Variants in EIF5A2 observed in about 807,000 individuals in gnomAD.
EIF5A2 encodes the protein eukaryotic translation initiation factor 5A2, also known as eukaryotic translation initiation factor 5A-2.
EIF5A2 carries 15 observed loss-of-function variants against 16.4 expected under a neutral mutation model. The ratio of observed to expected loss-of-function variants is 0.92; its 90% CI spans 0.61 to 1.41. EIF5A2 has a LOEUF of 1.41. Among genes scored for constraint, EIF5A2 ranks in the 40% most tolerant of loss-of-function variants. The probability of loss-of-function intolerance (pLI) is 0.00; values close to 1 mark genes in which losing one functional copy is unlikely to be tolerated. For synonymous variants in EIF5A2, 48 were observed against 61.1 expected (o/e 0.79, Z 1.00); for missense variants, 144 against 189.5 (o/e 0.76, Z 1.41).
At position 170,890,515 on chromosome 3, in the gene EIF5A2, A is replaced by T. The variant is rs1042354931; in HGVS notation, c.*2845T>A. 1 of 152,186 alleles carries T rather than the reference A, an allele frequency of 6.6e-6. No homozygotes were observed. Among genetic ancestry groups the T allele is most frequent in the South Asian group, 2.1e-4 (1 of 4,832 alleles). The allele number at this position is 152,186 out of a possible 1,614,324, so 9.4% of individuals were successfully genotyped here. On this transcript the variant is annotated 3_prime_UTR_variant, in exon 5 of 5. Coordinates refer to ENST00000295822, the MANE Select transcript of EIF5A2 (RefSeq NM_020390.6). ...TGGAAGGGAGCATGAAAAAAACATC[A>T]TAATTATGTTTATGATGCAAATGCT...
Position 170,890,871 on chromosome 3 carries a change from A to T in EIF5A2, c.*2489T>A, listed in dbSNP as rs1030666324. The T allele has an allele frequency of 6.6e-6, 1 of 152,614 alleles. No homozygotes were observed. Among genetic ancestry groups the T allele is most frequent in the Non-Finnish European group, 1.5e-5 (1 of 67,990 alleles). 9.5% of individuals were successfully genotyped at this position (152,614 alleles called of 1,614,324 possible). ...CATGTTCCCCGCTTCCTTTTAATAT[A>T]ATTTATAAAGCTTTACTAAATATTT... On this transcript the variant is annotated 3_prime_UTR_variant, in exon 5 of 5. Coordinates refer to ENST00000295822, the MANE Select transcript of EIF5A2 (RefSeq NM_020390.6).
chr3:170,908,068 G>A (rs573379560), intron 1 of EIF5A2, among the ~76,000 whole-genome samples: 57 of 152,194 alleles, frequency 3.7e-4, no homozygotes, highest in Non-Finnish European at 7.1e-4. Flanking sequence ...TGAGGGTGGG[G>A]ACACCCGCCC....
At position 170,907,701 on chromosome 3, in the gene EIF5A2, G is replaced by T; in HGVS notation, c.106C>A (p.Arg36=). 2 of 1,610,562 alleles carry T rather than the reference G, an allele frequency of 1.2e-6. No homozygotes were observed. The highest frequency in any genetic ancestry group is 1.7e-6 in the Non-Finnish European group (2 of 1,177,238). Residue 36 remains arginine (R), a synonymous_variant, in exon 2 of 5, where the codon CGA becomes AGA. Transcript: ENST00000295822. ...RKNGFVVLKG[R]PCKIVEMSTS... is the part of the protein sequence containing the mutation. ...GACATCTCCACTATTTTGCATGGTC[G>T]TCCTTTGAGCACCACGAAGCCGTTT...
intron 3 of EIF5A2, among the ~76,000 whole-genome samples, chr3:170,904,355 T>G (rs1712881442): frequency 6.6e-6 from 1 of 152,240 alleles, no homozygotes; most frequent in Non-Finnish European, 1.5e-5. Flanking sequence ...TTTAGCCAAC[T>G]GCCGAACTGG....
intron 2 of EIF5A2, 43 bp downstream of exon 2, chr3:170,907,599 G>A (rs1249394450): frequency 5.9e-6 from 9 of 1,514,470 alleles, no homozygotes; most frequent in Non-Finnish European, 8.0e-6. Flanking sequence ...AATGATCAAA[G>A]TCCCAACGCC....
chr3:170,892,453 G>T lies in EIF5A2; in HGVS notation c.*907C>A, dbSNP rs77597980. The T allele has an allele frequency of 1.1e-5, 2 of 183,524 alleles. No homozygotes were observed. The highest frequency in any genetic ancestry group is 1.2e-4 in the East Asian group (1 of 8,580). The allele number at this position is 183,524 out of a possible 1,614,324, so 11.4% of individuals were successfully genotyped here. On this transcript the variant is annotated 3_prime_UTR_variant, in exon 5 of 5. Transcript: ENST00000295822. The stretch of plus-strand genomic sequence containing the variant: ...CAAAAAAAAAAAAAAAAAAAAGGAA[G>T]TTGGAAAGGAGTATTTACTGATAAA...
At chr3:170,895,224 C>T (rs1712640463) in intron 3 of EIF5A2, among the ~76,000 whole-genome samples, 1 of 151,806 alleles carries the variant, frequency 6.6e-6, no homozygotes, top group African/African-American at 2.4e-5. Flanking sequence ...TTTGCTATTA[C>T]AAACAATGCA....
chr3:170,895,558 A>C (rs1576786578), intron 3 of EIF5A2, among the ~76,000 whole-genome samples: 1 of 152,206 alleles, frequency 6.6e-6, no homozygotes, highest in African/African-American at 2.4e-5. Context: ...GTCAAAGACA[A>C]TGGTCCTTGA....
intron 3 of EIF5A2, among the ~76,000 whole-genome samples, chr3:170,901,297 A>T (rs534857127): frequency 6.6e-6 from 1 of 152,348 alleles, no homozygotes; most frequent in Non-Finnish European, 1.5e-5. Flanking sequence ...ATAAAAAGTG[A>T]AACAAAAAAT....
chr3:170,893,302 C>A lies in EIF5A2; in HGVS notation c.*58G>T. On this transcript the variant is annotated 3_prime_UTR_variant, in exon 5 of 5. Transcript: ENST00000295822. Reference sequence around the variant, plus strand: ...CTATAGCTTTGGTGACAACTTAGAACCAAATTAGATCTGCAGTTGATTCAG... The same window carrying A: ...CTATAGCTTTGGTGACAACTTAGAAACAAATTAGATCTGCAGTTGATTCAG... The A allele has an allele frequency of 6.3e-7, 1 of 1,578,668 alleles. No homozygotes were observed. Among genetic ancestry groups the A allele is most frequent in the Non-Finnish European group, 8.6e-7 (1 of 1,156,330 alleles).
Position 170,889,616 on chromosome 3 carries a change from C to T in EIF5A2, c.*3744G>A, listed in dbSNP as rs770023106. The T allele has an allele frequency of 6.6e-6, 1 of 152,498 alleles. No individual in the cohort carries two copies. The highest frequency in any genetic ancestry group is 1.5e-5 in the Non-Finnish European group (1 of 67,960). The allele number at this position is 152,498 out of a possible 1,614,324, so 9.4% of individuals were successfully genotyped here. A position where few individuals can be genotyped will look rare whatever the true frequency, so the allele number is the denominator to read the frequency against. The stretch of plus-strand genomic sequence containing the variant: ...GTTAATGGAAATATGCTTATATTTT[C>T]ACTCTTACACTGCTTAAGAGCCATA... On this transcript the variant is annotated 3_prime_UTR_variant, in exon 5 of 5. Transcript: ENST00000295822.
intron 3 of EIF5A2, among the ~76,000 whole-genome samples, chr3:170,905,985 A>T (rs1229640409): frequency 1.3e-5 from 2 of 152,202 alleles, no homozygotes; most frequent in African/African-American, 4.8e-5. Context: ...TGAAAATATA[A>T]AAGTGTTTAC....
chr3:170,893,212 C>T lies in EIF5A2; in HGVS notation c.*148G>A. 1 of 604,060 alleles carries T rather than the reference C, an allele frequency of 1.7e-6. No individual in the cohort carries two copies. Among genetic ancestry groups the T allele is most frequent in the Non-Finnish European group, 2.5e-6 (1 of 392,484 alleles). 37.4% of individuals were successfully genotyped at this position (604,060 alleles called of 1,614,324 possible). ...ATAATTTTTTAAAAATTATCAATTG[C>T]TTGCAAAACTAACCCAGCACAATCT... On this transcript the variant is annotated 3_prime_UTR_variant, in exon 5 of 5. Coordinates refer to ENST00000295822, the MANE Select transcript of EIF5A2 (RefSeq NM_020390.6).
Position 170,892,637 on chromosome 3 carries a change from TTA to T in EIF5A2, c.*721_*722del, listed in dbSNP as rs10581157. On this transcript the variant is annotated 3_prime_UTR_variant, in exon 5 of 5. Coordinates refer to ENST00000295822, the MANE Select transcript of EIF5A2 (RefSeq NM_020390.6). ...ACTTACAAAGTCCTCACATAAAAACTTATAGATTTAATCAACCCTCTTTGCCA... is the reference window on the plus strand; with the variant it reads ...ACTTACAAAGTCCTCACATAAAAACTTAGATTTAATCAACCCTCTTTGCCA... The T allele has an allele frequency of 8.8e-3, 3,489 of 397,244 alleles. 29 individuals carry two copies. The highest frequency in any genetic ancestry group is 9.9e-3 in the Non-Finnish European group (2,237 of 225,600). The allele number at this position is 397,244 out of a possible 1,614,324, so 24.6% of individuals were successfully genotyped here.
chr3:170,892,640 T>G lies in EIF5A2; in HGVS notation c.*720A>C, dbSNP rs996156267. On this transcript the variant is annotated 3_prime_UTR_variant, in exon 5 of 5. Coordinates refer to ENST00000295822, the MANE Select transcript of EIF5A2 (RefSeq NM_020390.6). The stretch of plus-strand genomic sequence containing the variant: ...TACAAAGTCCTCACATAAAAACTTA[T>G]AGATTTAATCAACCCTCTTTGCCAC... 1.8e-5 allele frequency: 7 copies of G among 394,668 alleles called. No individual in the cohort carries two copies. In the South Asian group the frequency reaches 4.1e-4, roughly 23 times the overall value. 24.4% of individuals were successfully genotyped at this position (394,668 alleles called of 1,614,324 possible). A position where few individuals can be genotyped will look rare whatever the true frequency, so the allele number is the denominator to read the frequency against.
rs990680426 is a variant in EIF5A2, at chr3:170,890,067, A to C, written c.*3293T>G. The C allele has an allele frequency of 5.2e-5, 8 of 152,576 alleles. No individual in the cohort carries two copies. The highest frequency in any genetic ancestry group is 9.6e-5 in the African/African-American group (4 of 41,460). The allele number at this position is 152,576 out of a possible 1,614,324, so 9.5% of individuals were successfully genotyped here. A position where few individuals can be genotyped will look rare whatever the true frequency, so the allele number is the denominator to read the frequency against. On this transcript the variant is annotated 3_prime_UTR_variant, in exon 5 of 5. Transcript: ENST00000295822. ...TTAAAATAATGAAATTTCAGCTTTTAGCACAAATAGCCCTGAGAACAATGC... is the reference window on the plus strand; with the variant it reads ...TTAAAATAATGAAATTTCAGCTTTTCGCACAAATAGCCCTGAGAACAATGC...
At chr3:170,903,878 TAATAATCCA>T (rs1201643044) in intron 3 of EIF5A2, among the ~76,000 whole-genome samples, 1 of 152,266 alleles carries the variant, frequency 6.6e-6, no homozygotes, top group African/African-American at 2.4e-5. Context: ...GGCAATTCAC[TAATAATCCA>T]AAGGTCTACA....
Position 170,893,368 on chromosome 3 carries a change from A to G in EIF5A2, c.454T>C (p.Cys152Arg). The G allele has an allele frequency of 6.2e-7, 1 of 1,613,976 alleles. No individual in the cohort carries two copies. The highest frequency in any genetic ancestry group is 8.5e-7 in the Non-Finnish European group (1 of 1,179,960). The change falls in exon 5 of 5, where the codon TGC (cysteine) becomes CGC (arginine). Residue 152 changes from cysteine to arginine, a missense_variant. Cys to Arg is a radical substitution (Grantham distance 180). Transcript: ENST00000295822. ...ATGCCTGATGTTTCCGTTTATTTGCAGGGTTTTATGGCTACAGCATATTCT... is the reference window on the plus strand; with the variant it reads ...ATGCCTGATGTTTCCGTTTATTTGCGGGGTTTTATGGCTACAGCATATTCT... ...SEEYAVAIKP[C>R]K
At position 170,890,291 on chromosome 3, in the gene EIF5A2, T is replaced by C. The variant is rs536158257; in HGVS notation, c.*3069A>G. ...ATGTGCGCACATGTGCACATGCAAA[T>C]TGCATTGTAATGAAAAATTGTGTCT... On this transcript the variant is annotated 3_prime_UTR_variant, in exon 5 of 5. Transcript: ENST00000295822. The C allele has an allele frequency of 6.6e-6, 1 of 152,248 alleles. No homozygotes were observed. The highest frequency in any genetic ancestry group is 2.4e-5 in the African/African-American group (1 of 41,570). 9.4% of individuals were successfully genotyped at this position (152,248 alleles called of 1,614,324 possible). A position where few individuals can be genotyped will look rare whatever the true frequency, so the allele number is the denominator to read the frequency against.
Sources: gnomAD v4.1 joint callset for allele counts (sites outside exome capture counted in the v4.1 genomes callset) on GRCh38, gnomAD v4.1.1 for gene constraint, MANE v1.5 for transcripts, NCBI Gene and HGNC (gene_info 2026-07-23, HGNC 2026-07-21) for gene names.